GRHL1: variants seen among roughly 807,000 people sequenced by gnomAD.
The protein encoded by GRHL1 is grainyhead like transcription factor 1, also known as grainyhead-like protein 1 homolog.
In GRHL1, 38 loss-of-function variants were observed where a neutral mutation model predicts 75.7. The observed-to-expected ratio is 0.50, with a 90% CI of 0.39 to 0.66. GRHL1 has a LOEUF of 0.66. GRHL1 is among the 30% of genes least tolerant of loss of function. The probability of loss-of-function intolerance (pLI) is 0.00; values close to 1 mark genes in which losing one functional copy is unlikely to be tolerated. For synonymous variants in GRHL1, 266 were observed against 279.4 expected, an observed-to-expected ratio of 0.95 and a Z score of 0.48; for missense variants, 589 against 767.5, an observed-to-expected ratio of 0.77 and a Z score of 2.75.
chr2:9,994,441 G>A lies in GRHL1; in HGVS notation c.1499+1197G>A, dbSNP rs536366087. On this transcript the variant is annotated intron_variant, in intron 12 of 15. Coordinates refer to ENST00000324907, the MANE Select transcript of GRHL1 (RefSeq NM_198182.3). ...AGAAAGGTGCATCCTGATGGAGAGA[G>A]CCAAGATTTCCATGGGAAGTTCATT... 1.2e-4 allele frequency among the ~76,000 whole-genome samples: 19 copies of A among 152,104 alleles called. 1 individual carries two copies. In the South Asian group the frequency reaches 3.9e-3, roughly 31 times the overall value.
chr2:9,996,074 CTTGGGAA>C, intron 13 of GRHL1, 104 bp downstream of exon 13: 5 of 820,136 alleles, frequency 6.1e-6, no homozygotes, highest in Non-Finnish European at 1.0e-5. Context: ...GTTTCACTTG[CTTGGGAA>C]TTCTTCCATC....
At chr2:9,981,894 T>TA (rs1420368150) in intron 8 of GRHL1, among the ~76,000 whole-genome samples, 3 of 152,196 alleles carry the variant, frequency 2.0e-5, no homozygotes, top group Admixed American at 2.0e-4. Context: ...GGTTCAGAGT[T>TA]ACAACTTCAG....
rs765266664 is a variant in GRHL1, at chr2:9,964,244, A to G, written c.913A>G (p.Met305Val). The change falls in exon 7 of 16, where the codon ATG becomes GTG. Residue 305 changes from methionine (M) to valine (V), a missense_variant. Coordinates refer to ENST00000324907, the MANE Select transcript of GRHL1 (RefSeq NM_198182.3). ...GCATTCTCTTTCACAGAGTGTGATC[A>G]TGGTGGTTTTTGCTGAAGACAAAAG... is the stretch of plus-strand genomic sequence containing the variant. The part of the protein sequence containing the change: ...HPISKVRSVI[M>V]VVFAEDKSRE... The G allele has an allele frequency of 1.3e-6, 2 of 1,599,576 alleles. No homozygotes were observed. The highest frequency in any genetic ancestry group is 1.1e-5 in the South Asian group (1 of 90,262).
At chr2:9,966,960 T>C (rs896297630) in intron 8 of GRHL1, among the ~76,000 whole-genome samples, 1 of 152,184 alleles carries the variant, frequency 6.6e-6, no homozygotes, top group Non-Finnish European at 1.5e-5. Context: ...TTTATATAAT[T>C]GTTGTTACAG....
Position 9,954,974 on chromosome 2 carries a change from C to A in GRHL1, c.80C>A (p.Thr27Asn), listed in dbSNP as rs577960706. The A allele has an allele frequency of 1.2e-6, 2 of 1,613,258 alleles. No individual in the cohort carries two copies. The highest frequency in any genetic ancestry group is 1.7e-6 in the Non-Finnish European group (2 of 1,179,332). ...EALYPQRRSY[T>N]SEDEAWKSFL... The stretch of plus-strand genomic sequence containing the variant: ...CTTTATCCACAGCGGCGGTCCTACA[C>A]TAGTGAGGATGAGGCCTGGAAATCC... Residue 27 changes from threonine to asparagine, a missense_variant, in exon 2 of 16, where the codon ACT (threonine) becomes AAT (asparagine). Thr to Asn is a moderately conservative substitution (Grantham distance 65, BLOSUM62 0). This residue lies in a region of GRHL1 where 362 missense variants were observed against 461.8 expected (regional missense o/e 0.78). Transcript: ENST00000324907.
At chr2:9,991,944 C>T in intron 10 of GRHL1, 63 bp from the exon 11 acceptor site, 1 of 1,325,254 alleles carries the variant, frequency 7.5e-7, no homozygotes, top group South Asian at 1.4e-5. Flanking sequence ...CTGTGGCCTG[C>T]ATCCAGTCTG....
At chr2:9,952,332 G>A (rs1197033130) in intron 1 of GRHL1, among the ~76,000 whole-genome samples, 1 of 152,210 alleles carries the variant, frequency 6.6e-6, no homozygotes, top group Non-Finnish European at 1.5e-5. Context: ...TCGGCGACCT[G>A]CTGGAACCTC....
intron 7 of GRHL1, chr2:9,964,691 A>C (rs1249790150): frequency 5.2e-6 from 1 of 191,510 alleles, no homozygotes; most frequent in African/African-American, 2.3e-5. Flanking sequence ...GAGATGATGG[A>C]GGTAGAGAAA....
chr2:9,998,427 T>C lies in GRHL1; in HGVS notation c.1678-538T>C, dbSNP rs1463371445. Among the ~76,000 whole-genome samples, 43 of 76,760 alleles carry C rather than the reference T, an allele frequency of 5.6e-4. 1 individual carries two copies. Among genetic ancestry groups the C allele is most frequent in the African/African-American group, 2.4e-3 (41 of 16,824 alleles). 50.4% of individuals were successfully genotyped at this position (76,760 alleles called of 152,430 possible). A position where few individuals can be genotyped will look rare whatever the true frequency, so the allele number is the denominator to read the frequency against. On this transcript the variant is annotated intron_variant, in intron 14 of 15. Coordinates refer to ENST00000324907, the MANE Select transcript of GRHL1 (RefSeq NM_198182.3). ...ACAAAAAGTCGAGTGACTATGCATG[T>C]GTGTGTGTGTGTGTGTGTGTGTATA... is the stretch of plus-strand genomic sequence containing the variant.
At chr2:9,991,886 A>G (rs1342333417) in intron 10 of GRHL1, 121 bp from the exon 11 acceptor site, 2 of 685,432 alleles carry the variant, frequency 2.9e-6, no homozygotes, top group African/African-American at 1.8e-5. Flanking sequence ...GCCCTGTTGT[A>G]TCTTACAGAG....
intron 3 of GRHL1, 48 bp downstream of exon 3, chr2:9,958,904 C>T (rs746517968): frequency 8.1e-6 from 13 of 1,597,832 alleles, no homozygotes; most frequent in South Asian, 2.3e-5. Context: ...GGAAATGCCA[C>T]GTTTCTGTAA....
chr2:9,994,030 G>A (rs1259316242), intron 12 of GRHL1, among the ~76,000 whole-genome samples: 2 of 152,150 alleles, frequency 1.3e-5, no homozygotes, highest in African/African-American at 2.4e-5. Flanking sequence ...GTGCCGGGCA[G>A]CCCCCTACTC....
chr2:9,992,191 T>C lies in GRHL1; in HGVS notation c.1461+45T>C, dbSNP rs1002054848. ...GGGGAGGTTACCAGGAAGGAAGGCA[T>C]GGCAAAAGGAAATTCTTTGGCATTA... is the stretch of plus-strand genomic sequence containing the variant. On this transcript the variant is annotated intron_variant, in intron 11 of 15. Transcript: ENST00000324907. The surrounding 1 kb of genome is among the most constrained non-coding windows in gnomAD (Gnocchi z 4.6). 3.2e-6 allele frequency: 5 copies of C among 1,580,506 alleles called. No individual in the cohort carries two copies. Among genetic ancestry groups the C allele is most frequent in the Non-Finnish European group, 4.3e-6 (5 of 1,159,900 alleles).
rs746692460 is a variant in GRHL1 at position 9,992,059 on chromosome 2, A to C, written c.1374A>C (p.Thr458=). 6.2e-7 allele frequency: 1 copy of C among 1,612,632 alleles called. No individual in the cohort carries two copies. The highest frequency in any genetic ancestry group is 2.2e-5 in the East Asian group (1 of 44,874). Reference sequence around the variant, plus strand: ...CCTCTCACAAGCGAATGGATATCACAGTTTTCAAACCCTTCATTGATCTCG... The same window carrying C: ...CCTCTCACAAGCGAATGGATATCACCGTTTTCAAACCCTTCATTGATCTCG... ...LLPSHKRMDI[T]VFKPFIDLDT... The change falls in exon 11 of 16, where the codon ACA becomes ACC. Residue 458 remains threonine (T), a synonymous_variant. Transcript: ENST00000324907. This position sits in a 1 kb window ranked among gnomAD's most constrained non-coding sequence, Gnocchi z 4.6.
At chr2:9,997,129 G>A (rs367710856) in intron 14 of GRHL1, among the ~76,000 whole-genome samples, 1 of 152,200 alleles carries the variant, frequency 6.6e-6, no homozygotes, top group African/African-American at 2.4e-5. Context: ...GATGACTGTA[G>A]TGTGTTGAAT....
chr2:9,989,943 G>A (rs1572383177), intron 9 of GRHL1, among the ~76,000 whole-genome samples: 3 of 152,236 alleles, frequency 2.0e-5, no homozygotes, highest in South Asian at 4.1e-4. Context: ...GTTGATACCA[G>A]GCCCTTGGAC....
At position 9,951,829 on chromosome 2, in the gene GRHL1, G is replaced by C; in HGVS notation, c.-5G>C. On this transcript the variant is annotated 5_prime_UTR_variant, in exon 1 of 16. Transcript: ENST00000324907. This position sits in a 1 kb window ranked among gnomAD's most constrained non-coding sequence, Gnocchi z 4.2. ...TCTGCGGCCCGGCAGCGGCGAGCGG[G>C]CGCGATGACACAGGAGTACGACAAG... 6.6e-7 allele frequency: 1 copy of C among 1,525,866 alleles called. No individual in the cohort carries two copies. Among genetic ancestry groups the C allele is most frequent in the South Asian group, 1.2e-5 (1 of 84,300 alleles). The allele number at this position is 1,525,866 out of a possible 1,614,324, so 94.5% of individuals were successfully genotyped here. A position where few individuals can be genotyped will look rare whatever the true frequency, so the allele number is the denominator to read the frequency against.
At chr2:9,973,262 T>C (rs1667809669) in intron 8 of GRHL1, among the ~76,000 whole-genome samples, 1 of 152,106 alleles carries the variant, frequency 6.6e-6, no homozygotes, top group African/African-American at 2.4e-5. Flanking sequence ...GTTCTCTCAG[T>C]GGGAATGGGT....
At chr2:9,988,213 T>C (rs114623661) in intron 9 of GRHL1, among the ~76,000 whole-genome samples, 10 of 152,348 alleles carry the variant, frequency 6.6e-5, no homozygotes, top group Non-Finnish European at 1.0e-4. Context: ...GTTAAGATCT[T>C]ATGTCTATGA....
Sources: gnomAD v4.1 joint callset for allele counts (sites outside exome capture counted in the v4.1 genomes callset) on GRCh38, gnomAD v4.1.1 for gene constraint, gnomAD v4.1.1 regional missense constraint, Gnocchi (gnomAD v3.1) non-coding constraint, MANE v1.5 for transcripts, NCBI Gene and HGNC (gene_info 2026-07-23, HGNC 2026-07-21) for gene names.